Variants in RGS6 observed in about 807,000 individuals in gnomAD.
RGS6 encodes regulator of G-protein signaling 6.
A neutral mutation model predicts 78.5 loss-of-function variants in RGS6; 30 were observed. That is an observed-to-expected ratio of 0.38 (90% CI 0.29 to 0.52). The LOEUF (loss-of-function observed/expected upper bound fraction) is 0.52. Among genes scored for constraint, RGS6 ranks in the 20% least tolerant of loss-of-function variants. RGS6 has a pLI of 0.85. For missense variants in RGS6, 495 were observed against 609.7 expected (o/e 0.81, Z 1.98); for synonymous variants, 206 against 206.0 (o/e 1.00, Z 0.00).
intron 14 of RGS6, among the ~76,000 whole-genome samples, chr14:72,514,478 T>G (rs1400127213): frequency 6.6e-6 from 1 of 152,202 alleles, no homozygotes; most frequent in African/African-American, 2.4e-5. Context: ...GAAAGGAGGC[T>G]CCCACTGGGG....
chr14:72,242,330 C>G (rs1032692917), intron 2 of RGS6, among the ~76,000 whole-genome samples: 2 of 152,168 alleles, frequency 1.3e-5, no homozygotes, highest in East Asian at 3.9e-4. Flanking sequence ...GAGGAAACTG[C>G]CTTTGAGGGG....
intron 3 of RGS6, among the ~76,000 whole-genome samples, chr14:72,415,698 C>T (rs2093759185): frequency 6.6e-6 from 1 of 152,182 alleles, no homozygotes; most frequent in Admixed American, 6.5e-5. Flanking sequence ...CCGGCAACTG[C>T]CTATTGTTTT....
chr14:72,301,957 G>A (rs2066164741), intron 2 of RGS6, among the ~76,000 whole-genome samples: 3 of 152,082 alleles, frequency 2.0e-5, no homozygotes, highest in African/African-American at 7.2e-5. Flanking sequence ...TGAATTTTGG[G>A]GGACATGATA....
chr14:72,520,152 AT>A lies in RGS6; in HGVS notation c.1278+1616del, dbSNP rs141775755. 5.0e-3 allele frequency among the ~76,000 whole-genome samples: 753 copies of A among 151,024 alleles called. 5 individuals carry two copies. Among genetic ancestry groups the A allele is most frequent in the African/African-American group, 0.017 (697 of 40,310 alleles). ...ATTTCATCTGTAAACTTAGATATGT[AT>A]CTCTAAAAAAAAGATCCTTTTGTTT... On this transcript the variant is annotated intron_variant, in intron 15 of 17. Coordinates refer to ENST00000553525, the MANE Select transcript of RGS6 (RefSeq NM_001204424.2).
chr14:72,095,736 G>A (rs1341347705), intron 2 of RGS6, among the ~76,000 whole-genome samples: 1 of 152,184 alleles, frequency 6.6e-6, no homozygotes, highest in Non-Finnish European at 1.5e-5. Context: ...ATAGAGTTTT[G>A]CTGTGCAGCA....
chr14:72,526,470 G>C (rs1481543373), intron 15 of RGS6, among the ~76,000 whole-genome samples: 1 of 151,912 alleles, frequency 6.6e-6, no homozygotes, highest in Non-Finnish European at 1.5e-5. Flanking sequence ...ATGCAAAGCT[G>C]TCTTTGAAGC....
intron 2 of RGS6, among the ~76,000 whole-genome samples, chr14:72,149,319 CAT>C (rs993461512): frequency 2.6e-5 from 4 of 152,078 alleles, no homozygotes; most frequent in Non-Finnish European, 4.4e-5. Flanking sequence ...ATGGCCCAGC[CAT>C]ATTCAGGGTA....
intron 2 of RGS6, among the ~76,000 whole-genome samples, chr14:72,321,869 T>C (rs1520328): frequency 0.028 from 4,235 of 152,086 alleles, 92 homozygotes; most frequent in African/African-American, 0.065. Context: ...TCCTTTCAGA[T>C]GTCCATAAAA....
chr14:72,379,077 A>G (rs1289738960), intron 3 of RGS6, among the ~76,000 whole-genome samples: 1 of 152,186 alleles, frequency 6.6e-6, no homozygotes, highest in African/African-American at 2.4e-5. Flanking sequence ...ATGAAACACA[A>G]AAGTTATGTG....
chr14:72,324,616 T>G (rs144018184), intron 2 of RGS6, among the ~76,000 whole-genome samples: 5,936 of 152,248 alleles, frequency 0.039, 355 homozygotes, highest in African/African-American at 0.13. Flanking sequence ...TTTGGTTTTC[T>G]GTCCTTGCGA....
the RGS6 span, among the ~76,000 whole-genome samples, chr14:71,914,973 G>A: frequency 6.6e-6 from 1 of 151,670 alleles, no homozygotes; most frequent in Non-Finnish European, 1.5e-5. Flanking sequence ...TTCAACTCGG[G>A]GTGGTGGCTC....
chr14:72,152,453 G>A (rs78213645), intron 2 of RGS6, among the ~76,000 whole-genome samples: 1,630 of 152,286 alleles, frequency 0.011, 27 homozygotes, highest in African/African-American at 0.037. Context: ...CATATTTTGA[G>A]GATGTACAGG....
chr14:72,506,602 T>C (rs2096803329), intron 13 of RGS6, among the ~76,000 whole-genome samples: 1 of 152,136 alleles, frequency 6.6e-6, no homozygotes, highest in Admixed American at 6.5e-5. Context: ...AGACTCCCAG[T>C]AGTGAAATCG....
Position 72,077,969 on chromosome 14 carries a change from C to A in RGS6, c.84+113094C>A, listed in dbSNP as rs930411265. The stretch of plus-strand genomic sequence containing the variant: ...ACCAAAATTCTCAGATCCCCCTCTA[C>A]CAGTATTTTTCTCCCACTGATGGCT... On this transcript the variant is annotated intron_variant, in intron 2 of 17. Transcript: ENST00000553525. 4.6e-5 allele frequency among the ~76,000 whole-genome samples: 7 copies of A among 152,254 alleles called. No individual in the cohort carries two copies. The East Asian group carries it at 1.4e-3, about 29-fold the overall frequency.
At chr14:72,055,740 A>G (rs746654861) in intron 2 of RGS6, among the ~76,000 whole-genome samples, 3 of 152,160 alleles carry the variant, frequency 2.0e-5, no homozygotes, top group Non-Finnish European at 4.4e-5. Context: ...CTTGACAAGC[A>G]AGCATAAGCT....
At chr14:71,995,265 TAAGG>T (rs989838871) in intron 2 of RGS6, among the ~76,000 whole-genome samples, 2 of 152,148 alleles carry the variant, frequency 1.3e-5, no homozygotes, top group Non-Finnish European at 2.9e-5. Flanking sequence ...TTCTGGAAAA[TAAGG>T]AAGATCTGGC....
chr14:72,283,960 A>C (rs1040074859), intron 2 of RGS6, among the ~76,000 whole-genome samples: 1 of 152,196 alleles, frequency 6.6e-6, no homozygotes, highest in African/African-American at 2.4e-5. Context: ...ACTTGTTAGG[A>C]ACTGGAGTAA....
At position 72,562,962 on chromosome 14, in the gene RGS6, G is replaced by C; in HGVS notation, c.*495G>C. On this transcript the variant is annotated 3_prime_UTR_variant, in exon 18 of 18. Coordinates refer to ENST00000553525, the MANE Select transcript of RGS6 (RefSeq NM_001204424.2). ...AGCCACTACATCCCCACCGCCGCCT[G>C]TCATCCCTCACGTCTCTGTGGCCAC... 3.3e-6 allele frequency: 2 copies of C among 611,952 alleles called. No homozygotes were observed. The highest frequency in any genetic ancestry group is 1.9e-5 in the South Asian group (1 of 52,862). 37.9% of individuals were successfully genotyped at this position (611,952 alleles called of 1,614,324 possible).
chr14:72,468,118 A>C (rs1027624562), intron 7 of RGS6, among the ~76,000 whole-genome samples: 1 of 152,134 alleles, frequency 6.6e-6, no homozygotes, highest in African/African-American at 2.4e-5. Context: ...CATTGAGGCC[A>C]GGTATGGTGG....
Sources: allele counts gnomAD v4.1 joint callset (sites outside exome capture counted in the v4.1 genomes callset), GRCh38; gene constraint gnomAD v4.1.1; transcripts MANE v1.5; gene names NCBI Gene and HGNC (gene_info 2026-07-23, HGNC 2026-07-21).